The following PPP1R16A variants were observed in gnomAD, a reference collection of about 807,000 sequenced individuals.
PPP1R16A encodes the protein protein phosphatase 1 regulatory subunit 16A.
A neutral mutation model predicts 46.6 loss-of-function variants in PPP1R16A; 39 were observed. That is an observed-to-expected ratio of 0.84 (90% CI 0.65 to 1.09). The LOEUF (loss-of-function observed/expected upper bound fraction) is 1.09, where lower values mean the gene tolerates loss of function less well. Ranked by LOEUF, PPP1R16A falls within the 50% of genes least tolerant of loss-of-function variation. PPP1R16A has a pLI of 0.00. For missense variants in PPP1R16A, 798 were observed against 735.6 expected (o/e 1.08, Z -0.98); for synonymous variants, 413 against 321.5 (o/e 1.28, Z -3.04).
intron 11 of PPP1R16A, 32 bp downstream of exon 11, chr8:144,501,326 A>AGGGGTGGGCCT (rs1331793892): frequency 6.5e-7 from 1 of 1,544,676 alleles, no homozygotes; most frequent in East Asian, 2.4e-5. Context: ...CGCCCAGCGC[A>AGGGGTGGGCCT]GGGGTGGGCC....
rs747498921 is a variant in PPP1R16A at position 144,501,320 on chromosome 8, C to T, written c.1203+26C>T. ...GTGAGCGCCCCGTCCCTGCTCCGCC[C>T]AGCGCAGGGGTGGGCCTGGCTCTGC... On this transcript the variant is annotated intron_variant, in intron 11 of 11. Transcript: ENST00000435887. 4 of 1,550,684 alleles carry T rather than the reference C, an allele frequency of 2.6e-6. No individual in the cohort carries two copies. The South Asian group carries it at 3.5e-5, about 14-fold the overall frequency.
At chr8:144,491,419 C>T (rs984239760) in intron 2 of PPP1R16A, among the ~76,000 whole-genome samples, 5 of 152,022 alleles carry the variant, frequency 3.3e-5, no homozygotes, top group Non-Finnish European at 7.3e-5. Flanking sequence ...TTCCAGACAC[C>T]AGCCTGGGCA....
intron 5 of PPP1R16A, 189 bp downstream of exon 5, chr8:144,499,250 C>T: frequency 1.3e-6 from 1 of 755,188 alleles, no homozygotes; most frequent in African/African-American, 1.8e-5. Flanking sequence ...GTGCCCAGGG[C>T]AGCGCGGTCC....
At chr8:144,498,555 C>T (rs953752734) in intron 3 of PPP1R16A, 15 of 545,108 alleles carry the variant, frequency 2.8e-5, no homozygotes, top group Admixed American at 6.6e-5. Context: ...CCATGAAGGG[C>T]CTGCAGGTGG....
Position 144,500,558 on chromosome 8 carries a change from C to A in PPP1R16A, c.777C>A (p.Ser259Arg). The A allele has an allele frequency of 6.3e-7, 1 of 1,597,678 alleles. No individual in the cohort carries two copies. Residue 259 changes from serine (S) to arginine (R), a missense_variant, in exon 8 of 12, where the codon AGC (serine) becomes AGA (arginine). Physicochemically the swap from Ser to Arg is moderately radical, Grantham distance 110. Transcript: ENST00000435887. Reference sequence around the variant, plus strand: ...TGCTGGAACACCGAGCCAGCCTGAGCGCTAAGGACCAAGACGGCTGGGAGC... The same window carrying A: ...TGCTGGAACACCGAGCCAGCCTGAGAGCTAAGGACCAAGACGGCTGGGAGC... ...ALLLEHRASLSAKDQDGWEPL... is the reference protein window; with the variant it reads ...ALLLEHRASLRAKDQDGWEPL...
At chr8:144,479,713 C>G (rs1423286080) in intron 1 of PPP1R16A, among the ~76,000 whole-genome samples, 1 of 152,208 alleles carries the variant, frequency 6.6e-6, no homozygotes, top group African/African-American at 2.4e-5. Flanking sequence ...CCTTGCTCTT[C>G]CCCGAGCGTG....
Position 144,500,860 on chromosome 8 carries a change from A to C in PPP1R16A, c.926A>C (p.Glu309Ala), listed in dbSNP as rs769713014. 56 of 1,571,566 alleles carry C rather than the reference A, an allele frequency of 3.6e-5. No homozygotes were observed. The highest frequency in any genetic ancestry group is 1.6e-5 in the Non-Finnish European group (18 of 1,160,382). ...ETPLDVCGDEEVRAKLLELKH... is the reference protein window; with the variant it reads ...ETPLDVCGDEAVRAKLLELKH... ...TTCTCAGATGTGTGCGGGGACGAGG[A>C]GGTGCGGGCCAAGCTGCTGGAGCTG... The change falls in exon 10 of 12, where the codon GAG becomes GCG. Residue 309 changes from glutamate to alanine, a missense_variant. Physicochemically the swap from Glu to Ala is moderately radical, Grantham distance 107 (BLOSUM62 -1). Coordinates refer to ENST00000435887, the MANE Select transcript of PPP1R16A (RefSeq NM_001329443.2).
chr8:144,485,710 T>C (rs906175058), intron 1 of PPP1R16A, among the ~76,000 whole-genome samples: 1 of 152,164 alleles, frequency 6.6e-6, no homozygotes, highest in Non-Finnish European at 1.5e-5. Context: ...CAGCTTTCCA[T>C]GTGTCTACCT....
intron 1 of PPP1R16A, among the ~76,000 whole-genome samples, chr8:144,479,690 C>T (rs1825323742): frequency 6.6e-6 from 1 of 152,190 alleles, no homozygotes; most frequent in South Asian, 2.1e-4. Flanking sequence ...ACTACCAGCA[C>T]CCCCAGCTCC....
Position 144,500,474 on chromosome 8 carries a change from C to A in PPP1R16A, c.706-13C>A. On this transcript the variant is annotated splice_polypyrimidine_tract_variant and intron_variant, in intron 7 of 11. Coordinates refer to ENST00000435887, the MANE Select transcript of PPP1R16A (RefSeq NM_001329443.2). ...GGGATGGGGCCGAATTCAGGCCGGG[C>A]GCTTGCCTGCAGCTGCACGTCGCAG... 6.4e-7 allele frequency: 1 copy of A among 1,568,498 alleles called. No homozygotes were observed. The highest frequency in any genetic ancestry group is 1.1e-5 in the South Asian group (1 of 87,268).
At chr8:144,482,683 C>T (rs1398434097) in intron 1 of PPP1R16A, among the ~76,000 whole-genome samples, 5 of 145,462 alleles carry the variant, frequency 3.4e-5, no homozygotes, top group Admixed American at 6.9e-5. Context: ...TTGGGACAGT[C>T]TCACTCTATC....
chr8:144,491,762 CAAAAAA>C (rs549819147), intron 2 of PPP1R16A, among the ~76,000 whole-genome samples: 1 of 83,788 alleles, frequency 1.2e-5, no homozygotes, highest in Non-Finnish European at 2.6e-5. Flanking sequence ...GACTCTGTTT[CAAAAAA>C]AAAAAAAAAA....
chr8:144,497,057 C>T lies in PPP1R16A; in HGVS notation c.-138C>T. ...ATTGTGTGGGGCCTCCTGACCCAGC[C>T]AAGGGCACGAAGCTCTGGGAAGGGG... is the stretch of plus-strand genomic sequence containing the variant. On this transcript the variant is annotated 5_prime_UTR_variant, in exon 3 of 12. Coordinates refer to ENST00000435887, the MANE Select transcript of PPP1R16A (RefSeq NM_001329443.2). 3.3e-6 allele frequency: 4 copies of T among 1,204,516 alleles called. No individual in the cohort carries two copies. The highest frequency in any genetic ancestry group is 2.6e-5 in the East Asian group (1 of 39,140). 74.6% of individuals were successfully genotyped at this position (1,204,516 alleles called of 1,614,324 possible).
intron 1 of PPP1R16A, among the ~76,000 whole-genome samples, chr8:144,479,713 C>A (rs1423286080): frequency 6.6e-6 from 1 of 152,208 alleles, no homozygotes; most frequent in Admixed American, 6.5e-5. Context: ...CCTTGCTCTT[C>A]CCCGAGCGTG....
intron 2 of PPP1R16A, among the ~76,000 whole-genome samples, chr8:144,494,199 TG>T (rs1825942042): frequency 6.6e-6 from 1 of 152,168 alleles, no homozygotes; most frequent in South Asian, 2.1e-4. Context: ...CTCGAACTCT[TG>T]GGCTCAAGCG....
At position 144,501,982 on chromosome 8, in the gene PPP1R16A, CGGGT is replaced by C; in HGVS notation, c.*81_*84del. ...CCCCACGGTGCGTGCCCTGGTGCTG[CGGGT>C]GCAGCACGGAAACCCCGGCTTCTAC... On this transcript the variant is annotated 3_prime_UTR_variant, in exon 12 of 12. Transcript: ENST00000435887. 7.1e-7 allele frequency: 1 copy of C among 1,398,608 alleles called. No individual in the cohort carries two copies. Among genetic ancestry groups the C allele is most frequent in the Non-Finnish European group, 9.4e-7 (1 of 1,064,032 alleles). The allele number at this position is 1,398,608 out of a possible 1,614,324, so 86.6% of individuals were successfully genotyped here. A position where few individuals can be genotyped will look rare whatever the true frequency, so the allele number is the denominator to read the frequency against.
At position 144,478,408 on chromosome 8, in the gene PPP1R16A, C is replaced by T. The variant is rs1244637796; in HGVS notation, c.-914+281C>T. The T allele has an allele frequency of 1.5e-5, 5 of 323,098 alleles. No homozygotes were observed. The East Asian group carries it at 1.8e-4, about 12-fold the overall frequency. 20.0% of individuals were successfully genotyped at this position (323,098 alleles called of 1,614,324 possible). On this transcript the variant is annotated intron_variant, in intron 1 of 11. Transcript: ENST00000435887. ...GCGGGCGCCCAGGGCACAGGTCCCGCCGGGCCGCCTTGGGCGTTGCTGGCT... is the reference window on the plus strand; with the variant it reads ...GCGGGCGCCCAGGGCACAGGTCCCGTCGGGCCGCCTTGGGCGTTGCTGGCT...
In PPP1R16A at chr8:144,493,971, G is replaced by A. The variant is rs1825927017; in HGVS notation, c.-734-2490G>A. ...GGGGGGTTCCCACTGTCCAGCTGCTGTTCTCTGATGAATTTTCACGGATGT... is the reference window on the plus strand; with the variant it reads ...GGGGGGTTCCCACTGTCCAGCTGCTATTCTCTGATGAATTTTCACGGATGT... On this transcript the variant is annotated intron_variant, in intron 2 of 11. Transcript: ENST00000435887. This position sits in a 1 kb window ranked among gnomAD's most constrained non-coding sequence, Gnocchi z 4.3. Among the ~76,000 whole-genome samples the A allele has an allele frequency of 6.6e-6, 1 of 152,128 alleles. No homozygotes were observed. The highest frequency in any genetic ancestry group is 2.1e-4 in the South Asian group (1 of 4,834).
At chr8:144,497,661 T>TGC (rs1374650290) in intron 3 of PPP1R16A, 9 of 725,008 alleles carry the variant, frequency 1.2e-5, no homozygotes, top group Non-Finnish European at 1.9e-5. Context: ...GGTGAGCCTG[T>TGC]GCGGGACAGC....
Sources: gnomAD v4.1 joint callset for allele counts (sites outside exome capture counted in the v4.1 genomes callset) on GRCh38, gnomAD v4.1.1 for gene constraint, Gnocchi (gnomAD v3.1) non-coding constraint, MANE v1.5 for transcripts, NCBI Gene and HGNC (gene_info 2026-07-23, HGNC 2026-07-21) for gene names.